Variants in KIF25 observed in about 807,000 individuals in gnomAD.
KIF25 encodes the protein kinesin-like protein KIF25.
A neutral mutation model predicts 32.9 loss-of-function variants in KIF25; 19 were observed. The observed-to-expected ratio is 0.58, with a 90% CI of 0.40 to 0.85. The LOEUF (loss-of-function observed/expected upper bound fraction) is 0.85, where lower values mean the gene tolerates loss of function less well. Among genes scored for constraint, KIF25 ranks in the 40% least tolerant of loss-of-function variants. KIF25 has a pLI of 0.00. For synonymous variants in KIF25, 225 were observed against 213.7 expected, an observed-to-expected ratio of 1.05 and a Z score of -0.46; for missense variants, 485 against 507.0, an observed-to-expected ratio of 0.96 and a Z score of 0.42.
chr6:168,037,063 G>C (rs1799035144), intron 8 of KIF25, among the ~76,000 whole-genome samples: 2 of 152,084 alleles, frequency 1.3e-5, no homozygotes, highest in African/African-American at 4.8e-5. Flanking sequence ...CTTTGTCTCA[G>C]ATAAATAAAT....
At chr6:168,020,197 A>C (rs1005416526) in intron 5 of KIF25, among the ~76,000 whole-genome samples, 10 of 152,134 alleles carry the variant, frequency 6.6e-5, no homozygotes, top group Non-Finnish European at 1.0e-4. Context: ...GTGAAAAGAC[A>C]CGTTGAAGAC....
At position 168,025,054 on chromosome 6, in the gene KIF25, A is replaced by T. The variant is rs118068374; in HGVS notation, c.-94-4438A>T. Among the ~76,000 whole-genome samples the T allele has an allele frequency of 1.2e-4, 18 of 152,320 alleles. No homozygotes were observed. In the East Asian group the frequency reaches 3.5e-3, roughly 29 times the overall value. On this transcript the variant is annotated intron_variant, in intron 5 of 12. Coordinates refer to ENST00000643607, the MANE Select transcript of KIF25 (RefSeq NM_030615.4). ...CGACAGAGTGAGATTCTGTCTTCAA[A>T]AAAACGAAAAAGAAAGAAAGGAATG... is the stretch of plus-strand genomic sequence containing the variant.
intron 8 of KIF25, among the ~76,000 whole-genome samples, chr6:168,037,628 T>G (rs893069368): frequency 2.7e-5 from 4 of 149,762 alleles, no homozygotes; most frequent in Non-Finnish European, 5.9e-5. Context: ...TTTCTTGTTG[T>G]GGGATTAAGG....
At chr6:168,024,382 A>G (rs1313667737) in intron 5 of KIF25, among the ~76,000 whole-genome samples, 1 of 135,668 alleles carries the variant, frequency 7.4e-6, no homozygotes, top group Admixed American at 7.3e-5. Context: ...TCTTTTGATG[A>G]CTCAATTATG....
intron 12 of KIF25, among the ~76,000 whole-genome samples, chr6:168,044,383 A>G (rs9355050): frequency 0.22 from 6,237 of 28,344 alleles, 423 homozygotes; most frequent in East Asian, 0.39. Context: ...CAGGTGAGGG[A>G]CGCTAGTGAC....
intron 10 of KIF25, among the ~76,000 whole-genome samples, chr6:168,040,823 C>G (rs888952985): frequency 5.3e-5 from 8 of 152,184 alleles, no homozygotes; most frequent in African/African-American, 1.9e-4. Context: ...ATGGAAGAAA[C>G]AATGAGTGTA....
intron 10 of KIF25, 102 bp downstream of exon 10, chr6:168,040,318 C>G: frequency 1.6e-6 from 2 of 1,218,726 alleles, no homozygotes; most frequent in East Asian, 2.7e-5. Context: ...GTAATCCCAG[C>G]ACTTTGGGAG....
intron 10 of KIF25, among the ~76,000 whole-genome samples, chr6:168,040,971 G>A (rs1799110348): frequency 6.6e-6 from 1 of 152,216 alleles, no homozygotes; most frequent in Non-Finnish European, 1.5e-5. Flanking sequence ...GCAGCAGGTG[G>A]TGGGAACTAA....
intron 8 of KIF25, among the ~76,000 whole-genome samples, chr6:168,034,508 C>T (rs903592835): frequency 6.6e-6 from 1 of 152,196 alleles, no homozygotes; most frequent in African/African-American, 2.4e-5. Flanking sequence ...ATCCACTCGC[C>T]TCGGCCTCCC....
At chr6:168,018,062 C>CT (rs1346142352) in intron 5 of KIF25, 22 bp downstream of exon 5, 26 of 152,670 alleles carry the variant, frequency 1.7e-4, no homozygotes, top group Admixed American at 1.3e-3. Flanking sequence ...TCAAGATGTC[C>CT]TATAAAGCAA....
chr6:168,038,824 C>T (rs959809719), intron 9 of KIF25, 95 bp downstream of exon 9: 2 of 1,256,464 alleles, frequency 1.6e-6, no homozygotes, highest in Non-Finnish European at 2.2e-6. Context: ...TCTAAACGAG[C>T]TCCCCACGCC....
At chr6:168,020,901 T>A (rs1025873763) in intron 5 of KIF25, among the ~76,000 whole-genome samples, 10 of 152,216 alleles carry the variant, frequency 6.6e-5, no homozygotes, top group African/African-American at 2.2e-4. Flanking sequence ...TCAATAAAGC[T>A]ATTTTAAAAA....
chr6:168,001,203 A>C (rs1022394415), intron 2 of KIF25, among the ~76,000 whole-genome samples: 6 of 152,188 alleles, frequency 3.9e-5, no homozygotes, highest in Non-Finnish European at 7.3e-5. Context: ...TCCGATGTTG[A>C]ATTGTTTCAT....
intron 5 of KIF25, among the ~76,000 whole-genome samples, chr6:168,023,814 T>C (rs1450475754): frequency 6.6e-6 from 1 of 152,252 alleles, no homozygotes; most frequent in African/African-American, 2.4e-5. Flanking sequence ...GAGTTGTATC[T>C]TAGCCACCAT....
At position 168,034,617 on chromosome 6, in the gene KIF25, G is replaced by A. The variant is rs989214824; in HGVS notation, c.317+586G>A. Among the ~76,000 whole-genome samples, 4 of 152,182 alleles carry A rather than the reference G, an allele frequency of 2.6e-5. No homozygotes were observed. The East Asian group carries it at 7.7e-4, about 29-fold the overall frequency. Reference sequence around the variant, plus strand: ...CAGGGTTCCTTAGGCAGGGGTGGAGGTGGGGGATGGTGAGGGATGGAGGTT... The same window carrying A: ...CAGGGTTCCTTAGGCAGGGGTGGAGATGGGGGATGGTGAGGGATGGAGGTT... On this transcript the variant is annotated intron_variant, in intron 8 of 12. Coordinates refer to ENST00000643607, the MANE Select transcript of KIF25 (RefSeq NM_030615.4).
chr6:168,044,043 G>A (rs1442680713), intron 12 of KIF25, among the ~76,000 whole-genome samples: 1 of 152,234 alleles, frequency 6.6e-6, no homozygotes, highest in Non-Finnish European at 1.5e-5. Context: ...TCAGGGTCAT[G>A]TGCAGACTCA....
At chr6:168,017,270 G>A (rs1231329189) in intron 4 of KIF25, among the ~76,000 whole-genome samples, 1 of 152,176 alleles carries the variant, frequency 6.6e-6, no homozygotes. Flanking sequence ...ACACTGTTAT[G>A]GAAAAAATCC....
chr6:168,001,037 T>C (rs187975039), intron 2 of KIF25, among the ~76,000 whole-genome samples: 1 of 152,232 alleles, frequency 6.6e-6, no homozygotes, highest in Non-Finnish European at 1.5e-5. Context: ...TGTTTAGACA[T>C]GATTGTGCTG....
At chr6:168,005,434 G>A (rs1196743783) in intron 4 of KIF25, among the ~76,000 whole-genome samples, 6 of 152,214 alleles carry the variant, frequency 3.9e-5, no homozygotes, top group Non-Finnish European at 5.9e-5. Flanking sequence ...GCAACCAAAT[G>A]AGATGGGAGA....
Sources: gnomAD v4.1 joint callset for allele counts (sites outside exome capture counted in the v4.1 genomes callset) on GRCh38, gnomAD v4.1.1 for gene constraint, MANE v1.5 for transcripts, NCBI Gene and HGNC (gene_info 2026-07-23, HGNC 2026-07-21) for gene names.